The following NSUN7 variants were observed in gnomAD, a reference collection of about 807,000 sequenced individuals.
NSUN7 encodes NOP2/Sun RNA methyltransferase family member 7, also known as protein NSUN7.
In NSUN7, 39 loss-of-function variants were observed where a neutral mutation model predicts 58.5. The ratio of observed to expected loss-of-function variants is 0.67; its 90% CI spans 0.52 to 0.87. NSUN7 has a LOEUF of 0.87. NSUN7 is among the 40% of genes least tolerant of loss of function. NSUN7 has a pLI of 0.00. For synonymous variants in NSUN7, 278 were observed against 303.7 expected, an observed-to-expected ratio of 0.92 and a Z score of 0.88; for missense variants, 765 against 844.1, an observed-to-expected ratio of 0.91 and a Z score of 1.16.
intron 7 of NSUN7, among the ~76,000 whole-genome samples, chr4:40,781,729 A>G (rs765967972): frequency 1.2e-4 from 19 of 152,228 alleles, no homozygotes; most frequent in Non-Finnish European, 2.4e-4. Flanking sequence ...TACAGGCATA[A>G]GCCACTGTGC....
chr4:40,750,310 G>C lies in NSUN7; in HGVS notation c.-92+10G>C. 1 of 179,494 alleles carries C rather than the reference G, an allele frequency of 5.6e-6. No individual in the cohort carries two copies. Among genetic ancestry groups the C allele is most frequent in the Non-Finnish European group, 1.2e-5 (1 of 85,324 alleles). The allele number at this position is 179,494 out of a possible 1,614,324, so 11.1% of individuals were successfully genotyped here. A position where few individuals can be genotyped will look rare whatever the true frequency, so the allele number is the denominator to read the frequency against. On this transcript the variant is annotated intron_variant, in intron 1 of 11. Transcript: ENST00000381782. ...ACCATCCGCCCTCGGGGTAAGGGAG[G>C]AGTCGGGGGAGCCGGTGACTGGGCT... is the stretch of plus-strand genomic sequence containing the variant.
chr4:40,783,619 G>T (rs183141528), intron 7 of NSUN7, among the ~76,000 whole-genome samples: 5 of 152,268 alleles, frequency 3.3e-5, no homozygotes, highest in East Asian at 3.9e-4. Flanking sequence ...AGGCCGAGGT[G>T]AGTGGATCAC....
At chr4:40,781,674 C>T (rs141076964) in intron 7 of NSUN7, among the ~76,000 whole-genome samples, 22 of 152,206 alleles carry the variant, frequency 1.4e-4, no homozygotes, top group African/African-American at 5.3e-4. Flanking sequence ...GTGAACTCCT[C>T]GGCTCAAGCA....
intron 4 of NSUN7, among the ~76,000 whole-genome samples, chr4:40,768,437 G>T (rs563012349): frequency 6.6e-6 from 1 of 152,132 alleles, no homozygotes; most frequent in Non-Finnish European, 1.5e-5. Flanking sequence ...TGATCCTCCC[G>T]CCTCGGCCTC....
intron 10 of NSUN7, among the ~76,000 whole-genome samples, chr4:40,800,975 T>C (rs893964511): frequency 5.6e-5 from 8 of 143,792 alleles, no homozygotes; most frequent in African/African-American, 2.1e-4. Flanking sequence ...AATTCTAAGA[T>C]AGATATATAG....
chr4:40,753,980 C>T (rs1257443573), intron 2 of NSUN7, among the ~76,000 whole-genome samples: 1 of 152,086 alleles, frequency 6.6e-6, no homozygotes, highest in Non-Finnish European at 1.5e-5. Context: ...AAACCTCTGT[C>T]TTTTGTAAAT....
rs985164807 is a variant in NSUN7 at position 40,775,888 on chromosome 4, T to G, written c.826-161T>G. On this transcript the variant is annotated intron_variant, in intron 6 of 11. Transcript: ENST00000381782. This position sits in a 1 kb window ranked among gnomAD's most constrained non-coding sequence, Gnocchi z 4.3. ...TCTTTGTTTTAAACATCAGTTGTCT[T>G]TGTTAACTCTTTACTTAGACATATA... 8.5e-5 allele frequency among the ~76,000 whole-genome samples: 13 copies of G among 152,218 alleles called. No homozygotes were observed. Among genetic ancestry groups the G allele is most frequent in the African/African-American group, 3.1e-4 (13 of 41,466 alleles).
intron 10 of NSUN7, among the ~76,000 whole-genome samples, chr4:40,799,667 T>A (rs190375110): frequency 1.1e-3 from 172 of 152,248 alleles, no homozygotes; most frequent in African/African-American, 4.0e-3. Context: ...AGAGTACATA[T>A]ATTGAAGATG....
At chr4:40,772,569 A>G (rs1742063887) in intron 4 of NSUN7, among the ~76,000 whole-genome samples, 1 of 152,188 alleles carries the variant, frequency 6.6e-6, no homozygotes, top group Non-Finnish European at 1.5e-5. Flanking sequence ...CATACACATA[A>G]TATTCCCACA....
At chr4:40,783,379 A>G (rs1376761249) in intron 7 of NSUN7, among the ~76,000 whole-genome samples, 1 of 152,196 alleles carries the variant, frequency 6.6e-6, no homozygotes, top group Non-Finnish European at 1.5e-5. Context: ...ATGGATCAAA[A>G]ATATAAGTGT....
Position 40,773,769 on chromosome 4 carries a change from CAGAA to C in NSUN7, c.489-486_489-483del, listed in dbSNP as rs533535930. Among the ~76,000 whole-genome samples, 478 of 151,796 alleles carry C rather than the reference CAGAA, an allele frequency of 3.1e-3. 1 individual carries two copies. Among genetic ancestry groups the C allele is most frequent in the Non-Finnish European group, 5.3e-3 (360 of 67,924 alleles). On this transcript the variant is annotated intron_variant, in intron 4 of 11. Coordinates refer to ENST00000381782, the MANE Select transcript of NSUN7 (RefSeq NM_024677.6). ...CACAACTATACAGGGGCAGCAAAAA[CAGAA>C]AGAAAGAAATCAGGATTATTGGATT... is the stretch of plus-strand genomic sequence containing the variant.
At chr4:40,767,481 C>T (rs1347865000) in intron 4 of NSUN7, among the ~76,000 whole-genome samples, 2 of 152,134 alleles carry the variant, frequency 1.3e-5, no homozygotes, top group African/African-American at 4.8e-5. Context: ...TTTACATTTG[C>T]TGAGGAGAGC....
Position 40,809,043 on chromosome 4 carries a change from G to C in NSUN7, c.*104G>C. The C allele has an allele frequency of 8.5e-7, 1 of 1,170,932 alleles. No individual in the cohort carries two copies. Among genetic ancestry groups the C allele is most frequent in the Non-Finnish European group, 1.2e-6 (1 of 863,618 alleles). The allele number at this position is 1,170,932 out of a possible 1,614,324, so 72.5% of individuals were successfully genotyped here. ...CTCTACACAAGATATTCATTCTTTT[G>C]GTCACCTAGGGATCTTCTAAGTGTG... is the stretch of plus-strand genomic sequence containing the variant. On this transcript the variant is annotated 3_prime_UTR_variant, in exon 12 of 12. Coordinates refer to ENST00000381782, the MANE Select transcript of NSUN7 (RefSeq NM_024677.6).
In NSUN7 at chr4:40,808,350, G is replaced by C. The variant is rs200936229; in HGVS notation, c.1568G>C (p.Arg523Pro). ...ETVSVNDVLA[R>P]AAAKGLLDGI... ...GTGTCTGTGAATGATGTTTTGGCCC[G>C]AGCTGCAGCCAAGGGTCTGCTGGAT... Residue 523 changes from arginine (R) to proline (P), a missense_variant, in exon 12 of 12, where the codon CGA becomes CCA. By Grantham distance (103) the Arg-to-Pro change is moderately radical (BLOSUM62 -2). Transcript: ENST00000381782. 378 of 1,614,030 alleles carry C rather than the reference G, an allele frequency of 2.3e-4. No individual in the cohort carries two copies. Among genetic ancestry groups the C allele is most frequent in the Non-Finnish European group, 2.4e-4 (278 of 1,179,984 alleles).
At chr4:40,792,300 G>GA (rs942370700) in intron 8 of NSUN7, among the ~76,000 whole-genome samples, 28 of 151,514 alleles carry the variant, frequency 1.8e-4, no homozygotes, top group East Asian at 1.4e-3. Context: ...TGGAAATCCA[G>GA]AAAAAAAATA....
rs746510431 is a variant in NSUN7, at chr4:40,775,005, ACTT to A, written c.825+58_825+60del. 2.7e-6 allele frequency: 2 copies of A among 731,316 alleles called. No individual in the cohort carries two copies. 45.3% of individuals were successfully genotyped at this position (731,316 alleles called of 1,614,324 possible). ...CTCAACAATCCAACCTAGCCAAAGA[ACTT>A]CTCCACTTAAAAATAAAACCTAACA... On this transcript the variant is annotated intron_variant, in intron 6 of 11. Transcript: ENST00000381782. The surrounding 1 kb of genome is among the most constrained non-coding windows in gnomAD (Gnocchi z 4.3).
chr4:40,767,184 A>G (rs1442184466), intron 4 of NSUN7, among the ~76,000 whole-genome samples: 4 of 151,922 alleles, frequency 2.6e-5, no homozygotes, highest in African/African-American at 7.3e-5. Flanking sequence ...TAGGGTGTCA[A>G]TTTTGGATCT....
intron 8 of NSUN7, among the ~76,000 whole-genome samples, chr4:40,792,526 C>T (rs1259527583): frequency 3.3e-5 from 5 of 151,878 alleles, no homozygotes; most frequent in Admixed American, 6.6e-5. Flanking sequence ...CCGAGGAGGG[C>T]GGATCACGAG....
In NSUN7 at chr4:40,808,187, C is replaced by CTTA. The variant is rs543820040; in HGVS notation, c.1525-117_1525-115dup. ...GGGGACTAAGGCCTAAAAACTATTTCTTATTTCTTTTAGTATAATAAAGAG... is the reference window on the plus strand; with the variant it reads ...GGGGACTAAGGCCTAAAAACTATTTCTTATTATTTCTTTTAGTATAATAAAGAG... On this transcript the variant is annotated intron_variant, in intron 11 of 11. Coordinates refer to ENST00000381782, the MANE Select transcript of NSUN7 (RefSeq NM_024677.6). 85 of 1,156,202 alleles carry CTTA rather than the reference C, an allele frequency of 7.4e-5. 1 individual carries two copies. The African/African-American group carries it at 9.6e-4, about 13-fold the overall frequency. 71.6% of individuals were successfully genotyped at this position (1,156,202 alleles called of 1,614,324 possible).
Sources: gnomAD v4.1 joint callset for allele counts (sites outside exome capture counted in the v4.1 genomes callset) on GRCh38, gnomAD v4.1.1 for gene constraint, Gnocchi (gnomAD v3.1) non-coding constraint, MANE v1.5 for transcripts, NCBI Gene and HGNC (gene_info 2026-07-23, HGNC 2026-07-21) for gene names.